SLCO5A1: variants seen among roughly 807,000 people sequenced by gnomAD.
The protein encoded by SLCO5A1 is solute carrier organic anion transporter family member 5A1.
Under a neutral mutation model 65.1 loss-of-function variants are expected in SLCO5A1, and 39 were observed. The ratio of observed to expected loss-of-function variants is 0.60; its 90% CI spans 0.46 to 0.78. The LOEUF (loss-of-function observed/expected upper bound fraction) is 0.78. Among genes scored for constraint, SLCO5A1 ranks in the 30% least tolerant of loss-of-function variants. The probability of loss-of-function intolerance (pLI) is 0.00; values close to 1 mark genes in which losing one functional copy is unlikely to be tolerated. For synonymous variants in SLCO5A1, 438 were observed against 415.7 expected, an observed-to-expected ratio of 1.05 and a Z score of -0.65; for missense variants, 1,029 against 1,069.4, an observed-to-expected ratio of 0.96 and a Z score of 0.53.
At chr8:69,781,574 T>C (rs564260035) in intron 2 of SLCO5A1, among the ~76,000 whole-genome samples, 54 of 152,350 alleles carry the variant, frequency 3.5e-4, no homozygotes, top group Non-Finnish European at 4.6e-4. Flanking sequence ...AAGGCCTTTA[T>C]ATGTATTTTC....
At chr8:69,715,845 A>G (rs958495792) in intron 5 of SLCO5A1, among the ~76,000 whole-genome samples, 2 of 152,158 alleles carry the variant, frequency 1.3e-5, no homozygotes, top group Admixed American at 6.5e-5. Flanking sequence ...CACATACTAC[A>G]CAATTTGCCT....
intron 3 of SLCO5A1, among the ~76,000 whole-genome samples, chr8:69,759,852 T>C (rs966157105): frequency 1.3e-5 from 2 of 152,162 alleles, no homozygotes; most frequent in South Asian, 4.1e-4. Context: ...CTCGCCACGT[T>C]AGCCAGGGTT....
chr8:69,819,444 C>T (rs568359872), intron 2 of SLCO5A1, among the ~76,000 whole-genome samples: 38 of 152,266 alleles, frequency 2.5e-4, no homozygotes, highest in African/African-American at 8.7e-4. Flanking sequence ...AGAAAGTCCA[C>T]TTGCACAAAG....
intron 2 of SLCO5A1, among the ~76,000 whole-genome samples, chr8:69,797,362 A>T (rs1819546987): frequency 6.6e-6 from 1 of 152,192 alleles, no homozygotes; most frequent in Non-Finnish European, 1.5e-5. Context: ...CGTTAACTGC[A>T]CAAATTGTTT....
intron 6 of SLCO5A1, among the ~76,000 whole-genome samples, chr8:69,689,875 G>A (rs1487854678): frequency 6.6e-6 from 1 of 152,110 alleles, no homozygotes; most frequent in East Asian, 1.9e-4. Context: ...ATTCTGTGAA[G>A]AAAGTCATTG....
intron 2 of SLCO5A1, among the ~76,000 whole-genome samples, chr8:69,824,599 G>C (rs922030907): frequency 5.3e-5 from 8 of 152,120 alleles, no homozygotes; most frequent in Admixed American, 3.3e-4. Context: ...TCTCTGAATA[G>C]ACCAATAACA....
chr8:69,803,186 C>T (rs1308866759), intron 2 of SLCO5A1, among the ~76,000 whole-genome samples: 4 of 151,914 alleles, frequency 2.6e-5, no homozygotes, highest in Non-Finnish European at 5.9e-5. Flanking sequence ...GAGGCCAAGG[C>T]GGGTGGATCA....
At chr8:69,734,133 G>T (rs1816453780) in intron 5 of SLCO5A1, among the ~76,000 whole-genome samples, 2 of 152,164 alleles carry the variant, frequency 1.3e-5, no homozygotes, top group South Asian at 4.1e-4. Context: ...CCAGGCACAA[G>T]TGTCCTCAAG....
intron 6 of SLCO5A1, among the ~76,000 whole-genome samples, chr8:69,690,844 C>A (rs78264853): frequency 6.6e-6 from 1 of 152,108 alleles, no homozygotes; most frequent in Non-Finnish European, 1.5e-5. Context: ...AGCTCAGTAG[C>A]TCAAGTCACA....
At chr8:69,754,651 T>C (rs1006474753) in intron 4 of SLCO5A1, among the ~76,000 whole-genome samples, 4 of 152,254 alleles carry the variant, frequency 2.6e-5, no homozygotes, top group African/African-American at 9.6e-5. Flanking sequence ...TAAAGGGACT[T>C]ATTGTCATTC....
rs1261021966 is a variant in SLCO5A1, at chr8:69,671,787, C to T, written c.*1082G>A. Reference sequence around the variant, plus strand: ...TCATATTCTGTTCCAGAACACAGATCTCCCTCCTCCTGTATTCTAAGTGAT... The same window carrying T: ...TCATATTCTGTTCCAGAACACAGATTTCCCTCCTCCTGTATTCTAAGTGAT... On this transcript the variant is annotated 3_prime_UTR_variant, in exon 10 of 10. Transcript: ENST00000260126. 6.6e-6 allele frequency: 1 copy of T among 152,186 alleles called. No individual in the cohort carries two copies. The highest frequency in any genetic ancestry group is 2.4e-5 in the African/African-American group (1 of 41,440). The allele number at this position is 152,186 out of a possible 1,614,324, so 9.4% of individuals were successfully genotyped here.
At chr8:69,763,959 G>A (rs995312256) in intron 2 of SLCO5A1, among the ~76,000 whole-genome samples, 17 of 152,160 alleles carry the variant, frequency 1.1e-4, no homozygotes, top group South Asian at 4.1e-4. Context: ...CTGCTGCCCC[G>A]GTTCAAGCGA....
chr8:69,754,693 T>C (rs772158097), intron 4 of SLCO5A1, among the ~76,000 whole-genome samples: 6 of 152,212 alleles, frequency 3.9e-5, no homozygotes, highest in Non-Finnish European at 8.8e-5. Context: ...ACAAATATTG[T>C]CTGGTCATGA....
At chr8:69,712,513 C>T (rs897898196) in intron 5 of SLCO5A1, among the ~76,000 whole-genome samples, 1 of 152,098 alleles carries the variant, frequency 6.6e-6, no homozygotes, top group South Asian at 2.1e-4. Context: ...CACAGGAAAA[C>T]CTGAACCAAA....
chr8:69,830,941 G>A (rs1821125258), intron 2 of SLCO5A1, among the ~76,000 whole-genome samples: 1 of 152,220 alleles, frequency 6.6e-6, no homozygotes, highest in African/African-American at 2.4e-5. Flanking sequence ...AGGTAAGCCA[G>A]TCATTTGACA....
chr8:69,831,396 T>A (rs145670152), intron 2 of SLCO5A1, among the ~76,000 whole-genome samples: 238 of 152,308 alleles, frequency 1.6e-3, no homozygotes, highest in Non-Finnish European at 2.8e-3. Flanking sequence ...CAGAAAATCA[T>A]CAAAACTTTA....
intron 2 of SLCO5A1, among the ~76,000 whole-genome samples, chr8:69,779,185 T>C (rs1403285995): frequency 6.6e-6 from 1 of 152,188 alleles, no homozygotes; most frequent in African/African-American, 2.4e-5. Context: ...ATTTACTGTG[T>C]TCCAGGTATC....
chr8:69,679,842 T>C (rs1813693614), intron 7 of SLCO5A1, among the ~76,000 whole-genome samples: 1 of 152,232 alleles, frequency 6.6e-6, no homozygotes, highest in African/African-American at 2.4e-5. Flanking sequence ...AAACCTAAAC[T>C]TTTCTAAGAA....
Position 69,667,234 on chromosome 8 carries a change from ACTT to A in SLCO5A1, c.*5632_*5634del, listed in dbSNP as rs1340622595. 2 of 152,070 alleles carry A rather than the reference ACTT, an allele frequency of 1.3e-5. No homozygotes were observed. The highest frequency in any genetic ancestry group is 2.4e-5 in the African/African-American group (1 of 41,410). The allele number at this position is 152,070 out of a possible 1,614,324, so 9.4% of individuals were successfully genotyped here. A position where few individuals can be genotyped will look rare whatever the true frequency, so the allele number is the denominator to read the frequency against. On this transcript the variant is annotated 3_prime_UTR_variant, in exon 10 of 10. Transcript: ENST00000260126. ...ATCATTTTAAAAATCACAAAATCAA[ACTT>A]CTTTATGCAACAGTGCAAAACCTTT...
Sources: allele counts gnomAD v4.1 joint callset (sites outside exome capture counted in the v4.1 genomes callset), GRCh38; gene constraint gnomAD v4.1.1; transcripts MANE v1.5; gene names NCBI Gene and HGNC (gene_info 2026-07-23, HGNC 2026-07-21).